Variants in SLC2A9 observed in about 807,000 individuals in gnomAD.
SLC2A9 encodes the protein solute carrier family 2, facilitated glucose transporter member 9.
In SLC2A9, 39 loss-of-function variants were observed where a neutral mutation model predicts 50.6. The ratio of observed to expected loss-of-function variants is 0.77; its 90% CI spans 0.60 to 1.01. The LOEUF is 1.01. SLC2A9 is among the 50% of genes least tolerant of loss of function. The pLI, the probability that SLC2A9 is intolerant of heterozygous loss-of-function variation, is 0.00. For synonymous variants in SLC2A9, 324 were observed against 276.9 expected (o/e 1.17, Z -1.69); for missense variants, 686 against 677.6 (o/e 1.01, Z -0.14).
intron 6 of SLC2A9, chr4:9,924,270 T>C (rs1026440374): frequency 6.6e-6 from 1 of 152,296 alleles, no homozygotes; most frequent in Non-Finnish European, 1.5e-5. Flanking sequence ...ATGTCTCTCC[T>C]GCACATGGAC....
rs907383787 is a variant in SLC2A9, at chr4:9,866,082, C to T, written c.1291+21485G>A. ...GGGACTTGTGGCATGGGGGAAAGGG[C>T]CCCAGTCCTTGCTTTGATACTGACT... On this transcript the variant is annotated intron_variant, in intron 10 of 11. Coordinates refer to ENST00000264784, the MANE Select transcript of SLC2A9 (RefSeq NM_020041.3). 1.5e-4 allele frequency among the ~76,000 whole-genome samples: 23 copies of T among 152,206 alleles called. No individual in the cohort carries two copies. In the South Asian group the frequency reaches 4.2e-3, roughly 28 times the overall value.
At chr4:10,038,342 T>C (rs1366294786) in intron 1 of SLC2A9, among the ~76,000 whole-genome samples, 1 of 151,784 alleles carries the variant, frequency 6.6e-6, no homozygotes, top group African/African-American at 2.4e-5. Context: ...ACCCAGTCTC[T>C]ACTAAAAATG....
Position 10,029,672 on chromosome 4 carries a change from AAT to A in SLC2A9, c.-40-3668_-40-3667del, listed in dbSNP as rs1248375035. Among the ~76,000 whole-genome samples the A allele has an allele frequency of 2.9e-4, 44 of 151,046 alleles. No homozygotes were observed. In the Middle Eastern group the frequency reaches 0.01, roughly 35 times the overall value. ...GGTCTTGTTGCCCAGGCTGGAGTGC[AAT>A]GGCACAATCTCATCTAACTGCAACC... is the stretch of plus-strand genomic sequence containing the variant. On this transcript the variant is annotated intron_variant, in intron 1 of 12. Transcript: ENST00000309065.
downstream of SLC2A9, chr4:9,826,188 G>A: frequency 1.7e-6 from 1 of 583,928 alleles, no homozygotes; most frequent in Non-Finnish European, 3.0e-6. Context: ...GGGTTTGGGA[G>A]ATTCAGTTGT....
rs575504422 is a variant in SLC2A9, at chr4:9,934,903, C to T, written c.814+7010G>A. On this transcript the variant is annotated intron_variant, in intron 6 of 11. Transcript: ENST00000264784. ...GCTCCCACTTATGAGTGAGAGCATG[C>T]GGTGTTTGGTTTTCTGTTCCTGTGT... Among the ~76,000 whole-genome samples, 167 of 152,274 alleles carry T rather than the reference C, an allele frequency of 1.1e-3. 3 individuals carry two copies. The highest frequency in any genetic ancestry group is 3.6e-3 in the African/African-American group (150 of 41,562).
At chr4:9,804,477 T>C (rs1272194547) in intron 3 of SLC2A9, among the ~76,000 whole-genome samples, 1 of 152,092 alleles carries the variant, frequency 6.6e-6, no homozygotes, top group Non-Finnish European at 1.5e-5. Context: ...GCACCTTCTG[T>C]TCTGGGAGGA....
intron 3 of SLC2A9, among the ~76,000 whole-genome samples, 182 bp downstream of exon 3, chr4:9,996,599 C>T (rs1758715425): frequency 1.4e-5 from 2 of 143,254 alleles, no homozygotes; most frequent in Non-Finnish European, 1.6e-5. Context: ...AGCCTGCAGT[C>T]CATGGCTTCA....
intron 10 of SLC2A9, among the ~76,000 whole-genome samples, chr4:9,836,233 C>T (rs968761883): frequency 6.6e-6 from 1 of 151,234 alleles, no homozygotes; most frequent in Admixed American, 6.6e-5. Context: ...ATCAAAATCT[C>T]GGAAATCACC....
At chr4:9,956,170 A>G (rs116046986) in intron 5 of SLC2A9, among the ~76,000 whole-genome samples, 73,185 of 150,728 alleles carry the variant, frequency 0.49, 19,015 homozygotes, top group African/African-American at 0.67. Flanking sequence ...TGATCCACCC[A>G]GTGAGCATCT....
At chr4:9,824,160 T>C (rs1358634131), downstream of SLC2A9, among the ~76,000 whole-genome samples, 1 of 152,026 alleles carries the variant, frequency 6.6e-6, no homozygotes, top group African/African-American at 2.4e-5. Flanking sequence ...ACTGGTGGTT[T>C]TATAAAGAGA....
At chr4:10,023,287 G>A (rs1330812122), upstream of SLC2A9, among the ~76,000 whole-genome samples, 2 of 152,202 alleles carry the variant, frequency 1.3e-5, no homozygotes, top group Non-Finnish European at 2.9e-5. Flanking sequence ...TACAGGAGAT[G>A]GGCAGAGGAG....
At chr4:9,783,173 A>G (rs1398353905) in intron 3 of SLC2A9, 1 of 1,614,054 alleles carries the variant, frequency 6.2e-7, no homozygotes, top group Non-Finnish European at 8.5e-7. Flanking sequence ...CTGCTCCCGC[A>G]CGCCGGTGGA....
chr4:9,988,801 G>A (rs1189031297), intron 3 of SLC2A9, among the ~76,000 whole-genome samples: 1 of 152,230 alleles, frequency 6.6e-6, no homozygotes, highest in East Asian at 1.9e-4. Flanking sequence ...GGAGATTGGA[G>A]GGCATGTCCC....
chr4:9,779,966 A>G (rs1344265604), exon 4 of SLC2A9: 1 of 152,400 alleles, frequency 6.6e-6, no homozygotes, highest in Non-Finnish European at 1.5e-5. Flanking sequence ...GAAATACCAC[A>G]TGACCGTTTA....
At chr4:9,795,309 T>G (rs1237940234), downstream of SLC2A9, among the ~76,000 whole-genome samples, 31 of 152,142 alleles carry the variant, frequency 2.0e-4, no homozygotes, top group Admixed American at 2.0e-3. Context: ...TGTGCCCGGC[T>G]GCATTAACCC....
intron 7 of SLC2A9, among the ~76,000 whole-genome samples, chr4:9,909,039 C>A (rs13108825): frequency 3.9e-5 from 6 of 151,960 alleles, no homozygotes; most frequent in Non-Finnish European, 8.8e-5. Context: ...AGAAAAGGTC[C>A]CCACTACACA....
At chr4:9,996,726 C>T (rs1758736250) in intron 3 of SLC2A9, 55 bp downstream of exon 3, 1 of 1,599,060 alleles carries the variant, frequency 6.3e-7, no homozygotes, top group African/African-American at 1.3e-5. Flanking sequence ...GACAATGACA[C>T]AGATATATTA....
At chr4:10,018,734 A>G (rs1382762332) in intron 2 of SLC2A9, among the ~76,000 whole-genome samples, 6 of 125,208 alleles carry the variant, frequency 4.8e-5, no homozygotes, top group Admixed American at 3.4e-4. Flanking sequence ...CTAGTCTCCC[A>G]ACGTTCTCCC....
intron 6 of SLC2A9, among the ~76,000 whole-genome samples, chr4:9,939,242 A>C (rs1324887968): frequency 3.3e-5 from 5 of 152,156 alleles, no homozygotes; most frequent in Non-Finnish European, 5.9e-5. Flanking sequence ...ATGCGAGTGA[A>C]CTTCAGCTGG....
Sources: gnomAD v4.1 joint callset for allele counts (sites outside exome capture counted in the v4.1 genomes callset) on GRCh38, gnomAD v4.1.1 for gene constraint, MANE v1.5 for transcripts, NCBI Gene and HGNC (gene_info 2026-07-23, HGNC 2026-07-21) for gene names.